The following ANKS1B variants were observed in gnomAD, a reference collection of about 807,000 sequenced individuals.
ANKS1B encodes ankyrin repeat and sterile alpha motif domain-containing protein 1B.
Under a neutral mutation model 148.3 loss-of-function variants are expected in ANKS1B, and 36 were observed. The observed-to-expected ratio is 0.24, with a 90% CI of 0.19 to 0.32. The LOEUF is 0.32. Ranked by LOEUF, ANKS1B falls within the 10% of genes least tolerant of loss-of-function variation. The pLI is 1.00. For synonymous variants in ANKS1B, 542 were observed against 560.8 expected (o/e 0.97, Z 0.47); for missense variants, 1,157 against 1,542.6 (o/e 0.75, Z 4.19).
At chr12:99,140,180 A>G (rs1400233026) in intron 15 of ANKS1B, among the ~76,000 whole-genome samples, 1 of 152,150 alleles carries the variant, frequency 6.6e-6, no homozygotes, top group Admixed American at 6.5e-5. Flanking sequence ...AATCTAGTCC[A>G]TGGAAGTCCC....
At chr12:99,286,346 C>A (rs971635618) in intron 12 of ANKS1B, among the ~76,000 whole-genome samples, 4 of 151,886 alleles carry the variant, frequency 2.6e-5, no homozygotes, top group African/African-American at 9.7e-5. Flanking sequence ...CCAGTCCTGG[C>A]AGAATTCATC....
intron 1 of ANKS1B, among the ~76,000 whole-genome samples, chr12:99,826,225 G>A (rs2083173775): frequency 6.6e-6 from 1 of 152,140 alleles, no homozygotes; most frequent in Non-Finnish European, 1.5e-5. Flanking sequence ...GCTAGGCACT[G>A]GGAGCACAAA....
At chr12:99,952,398 T>A (rs1283066102) in intron 1 of ANKS1B, among the ~76,000 whole-genome samples, 2 of 152,222 alleles carry the variant, frequency 1.3e-5, no homozygotes, top group Non-Finnish European at 2.9e-5. Context: ...AAATTTTTTA[T>A]GTTAGTTCAT....
chr12:99,166,266 TGG>T (rs1275486170), intron 14 of ANKS1B, among the ~76,000 whole-genome samples: 1 of 151,702 alleles, frequency 6.6e-6, no homozygotes, highest in African/African-American at 2.4e-5. Context: ...AGGTTCTAGC[TGG>T]TGCAGTAAGT....
chr12:99,640,817 AC>A (rs1405014166), intron 9 of ANKS1B, among the ~76,000 whole-genome samples: 2 of 152,220 alleles, frequency 1.3e-5, no homozygotes, highest in Non-Finnish European at 2.9e-5. Context: ...GCAAGCAATA[AC>A]TTGCAAACTA....
intron 17 of ANKS1B, among the ~76,000 whole-genome samples, chr12:98,882,422 C>A (rs910937216): frequency 9.2e-5 from 14 of 152,120 alleles, no homozygotes; most frequent in Admixed American, 8.5e-4. Context: ...AGAAAGGTAT[C>A]GCAATGCTTT....
At position 99,948,865 on chromosome 12, in the gene ANKS1B, T is replaced by C. The variant is rs568151896; in HGVS notation, c.134+35239A>G. Among the ~76,000 whole-genome samples the C allele has an allele frequency of 1.5e-4, 23 of 152,292 alleles. No homozygotes were observed. The East Asian group carries it at 4.1e-3, about 27-fold the overall frequency. The stretch of plus-strand genomic sequence containing the variant: ...TGTAAATATGTCATTCTTAATTCAA[T>C]TGCATTCAATCAGATCAATACTTTC... On this transcript the variant is annotated intron_variant, in intron 1 of 26. Coordinates refer to ENST00000683438, the MANE Select transcript of ANKS1B (RefSeq NM_001352186.2).
intron 9 of ANKS1B, among the ~76,000 whole-genome samples, chr12:99,623,535 T>A (rs1417684384): frequency 6.6e-6 from 1 of 152,028 alleles, no homozygotes; most frequent in Non-Finnish European, 1.5e-5. Flanking sequence ...ATGGAACTGA[T>A]AAACGGCTGA....
At chr12:99,108,936 A>C (rs1051110769) in intron 15 of ANKS1B, among the ~76,000 whole-genome samples, 4 of 152,176 alleles carry the variant, frequency 2.6e-5, no homozygotes, top group African/African-American at 9.7e-5. Flanking sequence ...GGTACTGATC[A>C]CTCACAGGGA....
intron 14 of ANKS1B, among the ~76,000 whole-genome samples, chr12:99,172,367 C>T (rs996580074): frequency 6.6e-6 from 1 of 151,916 alleles, no homozygotes. Context: ...GGGAGATAGA[C>T]GAATACAGGA....
intron 8 of ANKS1B, among the ~76,000 whole-genome samples, chr12:99,736,540 A>G (rs1567747234): frequency 6.6e-6 from 1 of 152,088 alleles, no homozygotes; most frequent in Non-Finnish European, 1.5e-5. Context: ...TTAACCAAGG[A>G]GGTGAAAGAC....
chr12:99,291,156 ATACT>A (rs2079911153), intron 12 of ANKS1B, among the ~76,000 whole-genome samples: 3 of 152,176 alleles, frequency 2.0e-5, no homozygotes, highest in Middle Eastern at 3.2e-3. Context: ...ATAAAATAAA[ATACT>A]TAGGAATAGA....
rs79843133 is a variant in ANKS1B at position 99,295,143 on chromosome 12, C to T, written c.1757-48279G>A. On this transcript the variant is annotated intron_variant, in intron 12 of 26. Transcript: ENST00000683438. ...GGTAGATGTTTAACATTTAAAAATACAGCCAAACCATTTTCCAAAGTGATT... is the reference window on the plus strand; with the variant it reads ...GGTAGATGTTTAACATTTAAAAATATAGCCAAACCATTTTCCAAAGTGATT... 5.9e-5 allele frequency among the ~76,000 whole-genome samples: 9 copies of T among 152,292 alleles called. No individual in the cohort carries two copies. The East Asian group carries it at 1.5e-3, about 26-fold the overall frequency.
At chr12:99,124,854 G>C (rs1002918317) in intron 15 of ANKS1B, among the ~76,000 whole-genome samples, 70 of 152,202 alleles carry the variant, frequency 4.6e-4, no homozygotes, top group African/African-American at 1.6e-3. Context: ...GTCAAATGCT[G>C]ATGATAGGTC....
At chr12:99,326,424 C>T (rs2086308453) in intron 12 of ANKS1B, among the ~76,000 whole-genome samples, 1 of 152,114 alleles carries the variant, frequency 6.6e-6, no homozygotes, top group Admixed American at 6.6e-5. Context: ...ACTCCTCTCA[C>T]CAAACAAGGG....
At position 98,745,801 on chromosome 12, in the gene ANKS1B, C is replaced by A; in HGVS notation, c.3796G>T (p.Val1266Leu). Residue 1266 changes from valine (V) to leucine (L), a missense_variant, in exon 27 of 27, where the codon GTG (valine) becomes TTG (leucine). Coordinates refer to ENST00000683438, the MANE Select transcript of ANKS1B (RefSeq NM_001352186.2). ...CTCTTGGCTTCTTGGCCCGGCTCCA[C>A]AATCCACGGTAGATTGGCCAGAGTC... ...QKTLANLPWI[V>L]EPGQEAKRGI... 1 of 1,613,738 alleles carries A rather than the reference C, an allele frequency of 6.2e-7. No individual in the cohort carries two copies. Among genetic ancestry groups the A allele is most frequent in the Non-Finnish European group, 8.5e-7 (1 of 1,179,776 alleles).
At chr12:99,049,713 T>C (rs2099964722) in intron 17 of ANKS1B, among the ~76,000 whole-genome samples, 1 of 152,230 alleles carries the variant, frequency 6.6e-6, no homozygotes, top group Non-Finnish European at 1.5e-5. Context: ...CTAATCAATT[T>C]ACTGTTGCAA....
chr12:99,284,179 T>C (rs1253155354), intron 12 of ANKS1B, among the ~76,000 whole-genome samples: 1 of 152,180 alleles, frequency 6.6e-6, no homozygotes, highest in African/African-American at 2.4e-5. Context: ...GATCCTAGTA[T>C]CAGGCTCAAG....
chr12:99,710,500 T>A (rs1270451352), intron 8 of ANKS1B, among the ~76,000 whole-genome samples: 1 of 152,112 alleles, frequency 6.6e-6, no homozygotes, highest in Non-Finnish European at 1.5e-5. Context: ...GTCTATGTAT[T>A]GTGAACATAT....
Sources: allele counts gnomAD v4.1 joint callset (sites outside exome capture counted in the v4.1 genomes callset), GRCh38; gene constraint gnomAD v4.1.1; transcripts MANE v1.5; gene names NCBI Gene and HGNC (gene_info 2026-07-23, HGNC 2026-07-21).